The following RNF20 variants were observed in gnomAD, a reference collection of about 807,000 sequenced individuals.
RNF20 encodes the protein ring finger protein 20, also known as E3 ubiquitin-protein ligase BRE1A.
In RNF20, 84 loss-of-function variants were observed where a neutral mutation model predicts 126.2. The ratio of observed to expected loss-of-function variants is 0.67; its 90% CI spans 0.56 to 0.80. The LOEUF is 0.80. Ranked by LOEUF, RNF20 falls within the 30% of genes least tolerant of loss-of-function variation. The pLI, the probability that RNF20 is intolerant of heterozygous loss-of-function variation, is 0.00. For synonymous variants in RNF20, 400 were observed against 414.3 expected, an observed-to-expected ratio of 0.97 and a Z score of 0.42; for missense variants, 869 against 1,188.2, an observed-to-expected ratio of 0.73 and a Z score of 3.95.
chr9:101,549,746 C>T (rs1012183122), intron 9 of RNF20, among the ~76,000 whole-genome samples: 21 of 152,300 alleles, frequency 1.4e-4, no homozygotes, highest in African/African-American at 4.3e-4. Flanking sequence ...ACAGAAGGCT[C>T]GCACTCTTGT....
At position 101,547,437 on chromosome 9, in the gene RNF20, G is replaced by A. The variant is rs140736024; in HGVS notation, c.1011G>A (p.Glu337=). ...ATGCAGAGCTTGAGGAGAACAAAGA[G>A]TTGGCTCAGAACCGTCTCTGTGAGC... ...EMNAELEENK[E]LAQNRLCELE... The change falls in exon 9 of 20, where the codon GAG becomes GAA. Residue 337 remains glutamate, a synonymous_variant. Transcript: ENST00000389120. 2.6e-4 allele frequency: 427 copies of A among 1,614,060 alleles called. No individual in the cohort carries two copies. Among genetic ancestry groups the A allele is most frequent in the Non-Finnish European group, 3.4e-4 (398 of 1,180,010 alleles).
chr9:101,554,780 G>A lies in RNF20; in HGVS notation c.2106G>A (p.Arg702=). ...NKKMADEDAL[R]KIRAVEEQIE... is the part of the protein sequence containing the mutation. ...AAATGGCTGATGAGGATGCCTTGAG[G>A]AAGATCCGGGCAGTGGAGGAGCAGA... Residue 702 remains arginine (R), a synonymous_variant, in exon 15 of 20, where the codon AGG becomes AGA. Transcript: ENST00000389120. 1.9e-6 allele frequency: 3 copies of A among 1,594,350 alleles called. No homozygotes were observed. Among genetic ancestry groups the A allele is most frequent in the Non-Finnish European group, 2.6e-6 (3 of 1,167,542 alleles).
chr9:101,561,057 C>G, intron 17 of RNF20, 33 bp from the exon 18 acceptor site: 1 of 1,610,318 alleles, frequency 6.2e-7, no homozygotes, highest in Non-Finnish European at 8.5e-7. Context: ...ATAGGTGATA[C>G]AATGGTGTCA....
At chr9:101,553,930 CTGATGACCTTTATTT>C (rs1211980161) in intron 13 of RNF20, 43 bp from the exon 14 acceptor site, 1 of 951,000 alleles carries the variant, frequency 1.1e-6, no homozygotes, top group East Asian at 2.5e-5. Context: ...TTCCCTTGCT[CTGATGACCTTTATTT>C]TCTTATTACA....
intron 15 of RNF20, among the ~76,000 whole-genome samples, chr9:101,556,687 T>A (rs1343300584): frequency 6.6e-6 from 1 of 152,150 alleles, no homozygotes; most frequent in Non-Finnish European, 1.5e-5. Context: ...TGAGTTATTT[T>A]TTAAAATGAT....
intron 6 of RNF20, 55 bp downstream of exon 6, chr9:101,544,940 A>G: frequency 1.8e-6 from 2 of 1,105,254 alleles, no homozygotes; most frequent in Non-Finnish European, 2.8e-6. Context: ...GCAGATGTTG[A>G]CTTACAATTC....
At chr9:101,547,020 G>A in intron 7 of RNF20, 54 bp downstream of exon 7, 8 of 1,605,428 alleles carry the variant, frequency 5.0e-6, no homozygotes, top group Non-Finnish European at 6.8e-6. Context: ...AGTGTTCTCA[G>A]GAAGACTCAC....
At chr9:101,543,902 A>G (rs944621313) in intron 5 of RNF20, among the ~76,000 whole-genome samples, 2 of 152,188 alleles carry the variant, frequency 1.3e-5, no homozygotes, top group Non-Finnish European at 2.9e-5. Context: ...GGAAATGTCT[A>G]TTTTAAAAGT....
Position 101,554,002 on chromosome 9 carries a change from G to C in RNF20, c.1916G>C (p.Ser639Thr). The C allele has an allele frequency of 1.2e-6, 2 of 1,611,912 alleles. No individual in the cohort carries two copies. The highest frequency in any genetic ancestry group is 1.7e-6 in the Non-Finnish European group (2 of 1,178,268). ...GCCTGTCATAGGAAGGCACAGGAGA[G>C]CCAAAAGGAGATGAAACTATTGCTG... ...LKIELKKAQE[S>T]QKEMKLLLDM... Residue 639 changes from serine (S) to threonine (T), a missense_variant, in exon 14 of 20, where the codon AGC (serine) becomes ACC (threonine). This residue lies in a region of RNF20 where 231 missense variants were observed against 263.6 expected (regional missense o/e 0.88). Transcript: ENST00000389120.
chr9:101,551,957 T>C, intron 11 of RNF20, 138 bp downstream of exon 11: 1 of 1,294,532 alleles, frequency 7.7e-7, no homozygotes, highest in Non-Finnish European at 1.1e-6. Flanking sequence ...TCATTTTGGT[T>C]CACAGCCTGG....
At chr9:101,559,531 A>G (rs527519880) in intron 16 of RNF20, among the ~76,000 whole-genome samples, 2 of 152,314 alleles carry the variant, frequency 1.3e-5, no homozygotes, top group Middle Eastern at 3.4e-3. Context: ...ATCCACGAGC[A>G]TGGGATGTGT....
intron 6 of RNF20, among the ~76,000 whole-genome samples, chr9:101,546,205 A>G (rs189908492): frequency 6.6e-6 from 1 of 152,190 alleles, no homozygotes; most frequent in Non-Finnish European, 1.5e-5. Flanking sequence ...CAAAGGGTAT[A>G]TATAGATTAA....
intron 14 of RNF20, 100 bp from the exon 15 acceptor site, chr9:101,554,592 ACT>A: frequency 1.1e-6 from 1 of 905,642 alleles, no homozygotes; most frequent in Non-Finnish European, 1.7e-6. Flanking sequence ...TTCTGTAAAG[ACT>A]CTTTTGGTAT....
At chr9:101,550,467 C>T (rs974248879) in intron 9 of RNF20, 139 bp from the exon 10 acceptor site, 11 of 710,410 alleles carry the variant, frequency 1.5e-5, no homozygotes, top group Non-Finnish European at 2.0e-5. Context: ...ATAACTACAG[C>T]AATGGGTAGA....
In RNF20 at chr9:101,562,485, C is replaced by T. The variant is rs915210573; in HGVS notation, c.*63C>T. The stretch of plus-strand genomic sequence containing the variant: ...AACTTATTCATTAACCACCAAACCT[C>T]TACCTCTTCTCTCCTTGACTGTCAC... On this transcript the variant is annotated 3_prime_UTR_variant, in exon 20 of 20. Coordinates refer to ENST00000389120, the MANE Select transcript of RNF20 (RefSeq NM_019592.7). 6.8e-7 allele frequency: 1 copy of T among 1,472,764 alleles called. No homozygotes were observed. Among genetic ancestry groups the T allele is most frequent in the African/African-American group, 1.4e-5 (1 of 71,706 alleles). 91.2% of individuals were successfully genotyped at this position (1,472,764 alleles called of 1,614,324 possible).
At chr9:101,536,157 A>G (rs899498843) in intron 2 of RNF20, among the ~76,000 whole-genome samples, 4 of 152,266 alleles carry the variant, frequency 2.6e-5, no homozygotes, top group African/African-American at 9.6e-5. Context: ...GCTAGATAAT[A>G]TAATGGTGCA....
intron 9 of RNF20, 36 bp from the exon 10 acceptor site, chr9:101,550,570 G>A: frequency 6.3e-7 from 1 of 1,593,410 alleles, no homozygotes; most frequent in Non-Finnish European, 8.6e-7. Context: ...GGCAATGCTA[G>A]ATTCTGCTTC....
At chr9:101,547,107 C>T (rs771273855) in intron 7 of RNF20, 30 bp from the exon 8 acceptor site, 2 of 1,608,280 alleles carry the variant, frequency 1.2e-6, no homozygotes, top group South Asian at 1.1e-5. Flanking sequence ...TTAAGAGTCT[C>T]TCACTAAAGA....
chr9:101,544,539 C>T (rs1463874650), intron 5 of RNF20, among the ~76,000 whole-genome samples: 1 of 152,112 alleles, frequency 6.6e-6, no homozygotes, highest in Non-Finnish European at 1.5e-5. Context: ...AACCCCATCT[C>T]TACTAAAAAT....
Sources: allele counts gnomAD v4.1 joint callset (sites outside exome capture counted in the v4.1 genomes callset), GRCh38; gene constraint gnomAD v4.1.1; regional missense constraint gnomAD v4.1.1; transcripts MANE v1.5; gene names NCBI Gene and HGNC (gene_info 2026-07-23, HGNC 2026-07-21).